USP12: variants seen among roughly 807,000 people sequenced by gnomAD.
USP12 encodes ubiquitin carboxyl-terminal hydrolase 12.
USP12 carries 19 observed loss-of-function variants against 45.5 expected under a neutral mutation model. That is an observed-to-expected ratio of 0.42 (90% CI 0.29 to 0.61). The LOEUF (loss-of-function observed/expected upper bound fraction) is 0.61. USP12 is among the 20% of genes least tolerant of loss of function. USP12 has a pLI of 0.22. For synonymous variants in USP12, 149 were observed against 148.8 expected (o/e 1.00, Z -0.01); for missense variants, 242 against 447.7 (o/e 0.54, Z 4.15).
chr13:27,145,445 T>G (rs551949173), intron 1 of USP12, among the ~76,000 whole-genome samples: 79 of 152,332 alleles, frequency 5.2e-4, no homozygotes, highest in African/African-American at 1.8e-3. Context: ...AATCAATCAG[T>G]TAGGCTTCCT....
At chr13:27,108,988 A>AT (rs1555234909) in intron 2 of USP12, among the ~76,000 whole-genome samples, 2 of 152,160 alleles carry the variant, frequency 1.3e-5, no homozygotes, top group Non-Finnish European at 2.9e-5. Context: ...ACATAATGAC[A>AT]TTTTTTTAAA....
rs1873078966 is a variant in USP12 at position 27,068,082 on chromosome 13, G to C, written c.*1201C>G. 1 of 152,134 alleles carries C rather than the reference G, an allele frequency of 6.6e-6. No individual in the cohort carries two copies. The highest frequency in any genetic ancestry group is 6.6e-5 in the Admixed American group (1 of 15,250). 9.4% of individuals were successfully genotyped at this position (152,134 alleles called of 1,614,324 possible). A position where few individuals can be genotyped will look rare whatever the true frequency, so the allele number is the denominator to read the frequency against. On this transcript the variant is annotated 3_prime_UTR_variant, in exon 9 of 9. Transcript: ENST00000282344. ...CTTGATTAAAATTTAATCTTTGAAG[G>C]GTTTGTTTAGCTCACTATCCAGGCT... is the stretch of plus-strand genomic sequence containing the variant.
At chr13:27,089,280 G>A (rs56246816) in intron 6 of USP12, among the ~76,000 whole-genome samples, 2,516 of 152,272 alleles carry the variant, frequency 0.017, 67 homozygotes, top group African/African-American at 0.057. Context: ...ATAGGAAAAC[G>A]TCCCTGTTGC....
At chr13:27,093,313 A>G (rs984237162) in intron 4 of USP12, among the ~76,000 whole-genome samples, 2 of 151,710 alleles carry the variant, frequency 1.3e-5, no homozygotes, top group African/African-American at 4.8e-5. Context: ...ATACCCGAAA[A>G]AAAAAACCCA....
chr13:27,091,989 C>T lies in USP12; in HGVS notation c.574-1831G>A, dbSNP rs932253776. On this transcript the variant is annotated intron_variant, in intron 4 of 8. Coordinates refer to ENST00000282344, the MANE Select transcript of USP12 (RefSeq NM_182488.4). ...GCATGGCATCCTGTGCATACACATA[C>T]GATAACACACTGTACTGGAACTGCC... Among the ~76,000 whole-genome samples, 90 of 152,152 alleles carry T rather than the reference C, an allele frequency of 5.9e-4. 2 individuals carry two copies. The highest frequency in any genetic ancestry group is 1.9e-4 in the African/African-American group (8 of 41,438).
chr13:27,095,088 G>A lies in USP12; in HGVS notation c.573+513C>T, dbSNP rs1481373681. Among the ~76,000 whole-genome samples, 12 of 152,290 alleles carry A rather than the reference G, an allele frequency of 7.9e-5. No individual in the cohort carries two copies. The South Asian group carries it at 1.2e-3, about 16-fold the overall frequency. On this transcript the variant is annotated intron_variant, in intron 4 of 8. Transcript: ENST00000282344. ...AAGGATTGCTTGAGCCCAGGAAGTC[G>A]AGGCTACAGTGAGCTGAGATTGGGC...
intron 1 of USP12, among the ~76,000 whole-genome samples, chr13:27,140,393 G>A (rs1002095493): frequency 6.6e-6 from 1 of 152,182 alleles, no homozygotes; most frequent in Non-Finnish European, 1.5e-5. Context: ...AAAACACACA[G>A]TCAAAACTTT....
chr13:27,090,006 G>A (rs750787793), intron 5 of USP12, 40 bp from the exon 6 acceptor site: 8 of 1,587,616 alleles, frequency 5.0e-6, no homozygotes, highest in East Asian at 4.5e-5. Context: ...GTAGATACCA[G>A]GAAATCATGT....
chr13:27,097,512 A>G (rs941829828), intron 3 of USP12, among the ~76,000 whole-genome samples: 6 of 152,200 alleles, frequency 3.9e-5, no homozygotes, highest in African/African-American at 1.2e-4. Flanking sequence ...TTGCAAAGTC[A>G]TTGTAAAAAC....
chr13:27,138,936 C>A (rs1876930544), intron 1 of USP12, among the ~76,000 whole-genome samples: 1 of 152,158 alleles, frequency 6.6e-6, no homozygotes, highest in South Asian at 2.1e-4. Flanking sequence ...TAATAGCATG[C>A]CTTTCCATTC....
chr13:27,129,644 T>C lies in USP12; in HGVS notation c.49-13048A>G, dbSNP rs779430590. ...ATCATTAAGCCCAGGAGTTCGAGGCTGCAGTGAACTATGACCTGGGCGACA... is the reference window on the plus strand; with the variant it reads ...ATCATTAAGCCCAGGAGTTCGAGGCCGCAGTGAACTATGACCTGGGCGACA... On this transcript the variant is annotated intron_variant, in intron 1 of 8. Transcript: ENST00000282344. This position sits in a 1 kb window ranked among gnomAD's most constrained non-coding sequence, Gnocchi z 4.0. Among the ~76,000 whole-genome samples the C allele has an allele frequency of 6.6e-6, 1 of 152,210 alleles. No individual in the cohort carries two copies. The highest frequency in any genetic ancestry group is 1.5e-5 in the Non-Finnish European group (1 of 68,036).
intron 3 of USP12, among the ~76,000 whole-genome samples, chr13:27,102,852 C>T (rs1464984419): frequency 6.6e-6 from 1 of 152,176 alleles, no homozygotes; most frequent in Non-Finnish European, 1.5e-5. Flanking sequence ...GTGTCTGGCA[C>T]ACAACAGGAA....
intron 1 of USP12, among the ~76,000 whole-genome samples, chr13:27,171,255 C>T (rs917952701): frequency 3.3e-5 from 5 of 150,350 alleles, no homozygotes; most frequent in African/African-American, 1.2e-4. Context: ...GGCCCTCGTC[C>T]CCGCGTCCCG....
chr13:27,066,187 T>C lies in USP12; in HGVS notation c.*3096A>G, dbSNP rs1593166055. ...TAAACCAACTTTAATAGATATTATT[T>C]TGTATTTATATAGTGCCTTCTTCAA... On this transcript the variant is annotated 3_prime_UTR_variant, in exon 9 of 9. Transcript: ENST00000282344. The C allele has an allele frequency of 6.6e-6, 1 of 152,362 alleles. No individual in the cohort carries two copies. Among genetic ancestry groups the C allele is most frequent in the East Asian group, 1.9e-4 (1 of 5,194 alleles). 9.4% of individuals were successfully genotyped at this position (152,362 alleles called of 1,614,324 possible). A position where few individuals can be genotyped will look rare whatever the true frequency, so the allele number is the denominator to read the frequency against.
intron 1 of USP12, among the ~76,000 whole-genome samples, chr13:27,144,846 G>A (rs1423264817): frequency 2.7e-5 from 4 of 150,942 alleles, no homozygotes; most frequent in African/African-American, 9.8e-5. Context: ...GATCCTTTAA[G>A]CCCAGGAGTT....
At chr13:27,102,279 A>G (rs955619767) in intron 3 of USP12, among the ~76,000 whole-genome samples, 1 of 152,188 alleles carries the variant, frequency 6.6e-6, no homozygotes, top group African/African-American at 2.4e-5. Flanking sequence ...AAATAATAGT[A>G]GATCACCCAC....
chr13:27,170,802 C>G lies in USP12; in HGVS notation c.48+790G>C, dbSNP rs1878558677. Among the ~76,000 whole-genome samples the G allele has an allele frequency of 3.3e-5, 5 of 152,370 alleles. No individual in the cohort carries two copies. The South Asian group carries it at 1.0e-3, about 32-fold the overall frequency. ...CTGAAGTAAACAAATGACAGGAAAG[C>G]TAATGCTGCTTTTCAAGATTAACGT... On this transcript the variant is annotated intron_variant, in intron 1 of 8. Coordinates refer to ENST00000282344, the MANE Select transcript of USP12 (RefSeq NM_182488.4).
At position 27,083,837 on chromosome 13, in the gene USP12, G is replaced by A. The variant is rs141750766; in HGVS notation, c.734+6046C>T. Among the ~76,000 whole-genome samples the A allele has an allele frequency of 6.1e-3, 921 of 150,658 alleles. 12 individuals carry two copies. Among genetic ancestry groups the A allele is most frequent in the African/African-American group, 0.021 (862 of 40,692 alleles). ...CCAAAAATTATTCTTCAGTGTTCTC[G>A]GGATGAACCTTTTTGGGAGAATATA... On this transcript the variant is annotated intron_variant, in intron 6 of 8. Transcript: ENST00000282344.
intron 1 of USP12, among the ~76,000 whole-genome samples, chr13:27,159,396 T>C (rs1236997821): frequency 6.6e-6 from 1 of 152,086 alleles, no homozygotes; most frequent in African/African-American, 2.4e-5. Flanking sequence ...AGGAAGAAAA[T>C]AAGATTTTTC....
Sources: gnomAD v4.1 joint callset for allele counts (sites outside exome capture counted in the v4.1 genomes callset) on GRCh38, gnomAD v4.1.1 for gene constraint, Gnocchi (gnomAD v3.1) non-coding constraint, MANE v1.5 for transcripts, NCBI Gene and HGNC (gene_info 2026-07-23, HGNC 2026-07-21) for gene names.